The following R3HDM1 variants were observed in gnomAD, a reference collection of about 807,000 sequenced individuals.
R3HDM1 encodes R3H domain containing 1.
R3HDM1 carries 46 observed loss-of-function variants against 141.1 expected under a neutral mutation model. That is an observed-to-expected ratio of 0.33 (90% CI 0.26 to 0.42). The LOEUF is 0.42. R3HDM1 is among the 10% of genes least tolerant of loss of function. The probability of loss-of-function intolerance (pLI) is 1.00; values close to 1 mark genes in which losing one functional copy is unlikely to be tolerated. For missense variants in R3HDM1, 1,184 were observed against 1,368.3 expected (o/e 0.87, Z 2.12); for synonymous variants, 435 against 472.9 (o/e 0.92, Z 1.04).
intron 21 of R3HDM1, among the ~76,000 whole-genome samples, chr2:135,685,113 G>A (rs2071106218): frequency 6.6e-6 from 1 of 152,104 alleles, no homozygotes; most frequent in Non-Finnish European, 1.5e-5. Context: ...GTAAATACTA[G>A]TATAAAACAT....
At chr2:135,673,933 T>G (rs917062432) in intron 19 of R3HDM1, among the ~76,000 whole-genome samples, 1 of 152,168 alleles carries the variant, frequency 6.6e-6, no homozygotes, top group African/African-American at 2.4e-5. Context: ...TGGCACTATC[T>G]TGTATTTTTT....
In R3HDM1 at chr2:135,709,530, T is replaced by C; in HGVS notation, c.2557T>C (p.Cys853Arg). The C allele has an allele frequency of 6.2e-7, 1 of 1,614,038 alleles. No individual in the cohort carries two copies. Among genetic ancestry groups the C allele is most frequent in the Non-Finnish European group, 8.5e-7 (1 of 1,179,902 alleles). The change falls in exon 22 of 27, where the codon TGT becomes CGT. Residue 853 changes from cysteine to arginine, a missense_variant. Coordinates refer to ENST00000683871, the MANE Select transcript of R3HDM1 (RefSeq NM_001378107.1). ...TTCCCAGCAGCTTCAAGGCCACCAA[T>C]GTACAGGTATAAAGAAATCAGTGAA... Reference protein sequence around the residue: ...CSSQQLQGHQCTAGPPPPPGG... With the variant: ...CSSQQLQGHQRTAGPPPPPGG...
chr2:135,552,393 G>A (rs1040660615), intron 1 of R3HDM1, among the ~76,000 whole-genome samples: 7 of 151,922 alleles, frequency 4.6e-5, no homozygotes, highest in Middle Eastern at 3.4e-3. Flanking sequence ...ACGGGGTTTC[G>A]CCATGTTGGA....
At position 135,570,481 on chromosome 2, in the gene R3HDM1, A is replaced by G. The variant is rs965514184; in HGVS notation, c.-249-32019A>G. Reference sequence around the variant, plus strand: ...TCAGCCTCTCAAGAATCTATTTTGTATAACTTAATTAGCAGCTGAAAAGAG... The same window carrying G: ...TCAGCCTCTCAAGAATCTATTTTGTGTAACTTAATTAGCAGCTGAAAAGAG... On this transcript the variant is annotated intron_variant, in intron 1 of 26. Coordinates refer to ENST00000683871, the MANE Select transcript of R3HDM1 (RefSeq NM_001378107.1). Among the ~76,000 whole-genome samples, 18 of 152,234 alleles carry G rather than the reference A, an allele frequency of 1.2e-4. 1 individual carries two copies. Among genetic ancestry groups the G allele is most frequent in the Admixed American group, 1.0e-3 (16 of 15,292 alleles).
At chr2:135,679,107 C>A in intron 20 of R3HDM1, among the ~76,000 whole-genome samples, 1 of 128,136 alleles carries the variant, frequency 7.8e-6, no homozygotes, top group South Asian at 2.5e-4. Flanking sequence ...AATAAAGATC[C>A]TTCAGGCCAT....
chr2:135,631,161 T>C (rs981318105), intron 7 of R3HDM1, among the ~76,000 whole-genome samples: 2 of 152,194 alleles, frequency 1.3e-5, no homozygotes, highest in African/African-American at 4.8e-5. Flanking sequence ...TAGATTCCCA[T>C]AGAAGTATTC....
In R3HDM1 at chr2:135,699,031, A is replaced by AT. The variant is rs775641875; in HGVS notation, c.2460-10401dup. On this transcript the variant is annotated intron_variant, in intron 21 of 26. Coordinates refer to ENST00000683871, the MANE Select transcript of R3HDM1 (RefSeq NM_001378107.1). ...GATAGATAGATAGATAGATAGATAGATAGATAGATAGATAAGATAGATAAG... is the reference window on the plus strand; with the variant it reads ...GATAGATAGATAGATAGATAGATAGATTAGATAGATAGATAAGATAGATAAG... Among the ~76,000 whole-genome samples, 12 of 117,900 alleles carry AT rather than the reference A, an allele frequency of 1.0e-4. 1 individual carries two copies. Among genetic ancestry groups the AT allele is most frequent in the African/African-American group, 2.4e-4 (8 of 33,200 alleles). The allele number at this position is 117,900 out of a possible 152,430, so 77.3% of individuals were successfully genotyped here.
intron 1 of R3HDM1, among the ~76,000 whole-genome samples, chr2:135,540,475 G>A (rs1355523820): frequency 6.6e-6 from 1 of 152,218 alleles, no homozygotes; most frequent in Non-Finnish European, 1.5e-5. Flanking sequence ...GCCCAGGTTG[G>A]AGTGTAGTGC....
chr2:135,613,043 T>G (rs916518128), intron 3 of R3HDM1, among the ~76,000 whole-genome samples: 1 of 152,214 alleles, frequency 6.6e-6, no homozygotes, highest in Non-Finnish European at 1.5e-5. Flanking sequence ...TAGTAGTGTA[T>G]TAGTTTTCTA....
intron 1 of R3HDM1, among the ~76,000 whole-genome samples, chr2:135,551,141 T>C (rs1052284242): frequency 2.0e-5 from 3 of 152,222 alleles, no homozygotes; most frequent in South Asian, 4.1e-4. Context: ...TTTAAGATCA[T>C]AGGCACAGAG....
At chr2:135,555,555 C>T (rs1401040418) in intron 1 of R3HDM1, among the ~76,000 whole-genome samples, 1 of 152,060 alleles carries the variant, frequency 6.6e-6, no homozygotes, top group African/African-American at 2.4e-5. Context: ...CCCAGGAATT[C>T]CACTCCTAGG....
chr2:135,562,177 A>G (rs1273757441), intron 1 of R3HDM1, among the ~76,000 whole-genome samples: 4 of 152,204 alleles, frequency 2.6e-5, no homozygotes, highest in South Asian at 2.1e-4. Flanking sequence ...TTCTTTCTCT[A>G]TCTTCACAGC....
intron 1 of R3HDM1, among the ~76,000 whole-genome samples, chr2:135,582,270 G>T (rs1654261817): frequency 6.6e-6 from 1 of 152,194 alleles, no homozygotes; most frequent in African/African-American, 2.4e-5. Context: ...GGCGGAGGTT[G>T]CAGTGAGCCG....
intron 19 of R3HDM1, among the ~76,000 whole-genome samples, chr2:135,674,327 A>G (rs2068821833): frequency 1.3e-5 from 2 of 152,226 alleles, no homozygotes; most frequent in African/African-American, 4.8e-5. Flanking sequence ...TTATCAGGGA[A>G]ACAATTTCAT....
chr2:135,594,490 A>G (rs905497678), intron 1 of R3HDM1, among the ~76,000 whole-genome samples: 7 of 152,182 alleles, frequency 4.6e-5, no homozygotes, highest in Non-Finnish European at 8.8e-5. Context: ...TTCTCCTTAG[A>G]AGGACTGTGC....
intron 19 of R3HDM1, among the ~76,000 whole-genome samples, chr2:135,664,419 A>G (rs1482353578): frequency 6.6e-6 from 1 of 152,328 alleles, no homozygotes; most frequent in Non-Finnish European, 1.5e-5. Flanking sequence ...ACACTAGTAG[A>G]CTTGGAGCAA....
chr2:135,598,532 G>A lies in R3HDM1; in HGVS notation c.-249-3968G>A, dbSNP rs1006785758. On this transcript the variant is annotated intron_variant, in intron 1 of 26. Transcript: ENST00000683871. Reference sequence around the variant, plus strand: ...CCTACAGATGATGATACAGTATTGCGGGTAAGAGCCTGAAATGGAGCACTA... The same window carrying A: ...CCTACAGATGATGATACAGTATTGCAGGTAAGAGCCTGAAATGGAGCACTA... Among the ~76,000 whole-genome samples, 3 of 152,124 alleles carry A rather than the reference G, an allele frequency of 2.0e-5. No individual in the cohort carries two copies. In the East Asian group the frequency reaches 5.8e-4, roughly 29 times the overall value.
chr2:135,637,502 G>T (rs543792375), intron 11 of R3HDM1, among the ~76,000 whole-genome samples: 1 of 152,026 alleles, frequency 6.6e-6, no homozygotes, highest in Non-Finnish European at 1.5e-5. Flanking sequence ...CAAAAAATTA[G>T]CCAGGCATGA....
chr2:135,673,175 T>C (rs2068658514), intron 19 of R3HDM1, among the ~76,000 whole-genome samples: 1 of 152,158 alleles, frequency 6.6e-6, no homozygotes, highest in Non-Finnish European at 1.5e-5. Flanking sequence ...TAACCAGGCA[T>C]GGTGGTGCAC....
Sources: allele counts gnomAD v4.1 joint callset (sites outside exome capture counted in the v4.1 genomes callset), GRCh38; gene constraint gnomAD v4.1.1; transcripts MANE v1.5; gene names NCBI Gene and HGNC (gene_info 2026-07-23, HGNC 2026-07-21).